Variants in KYNU observed in about 807,000 individuals in gnomAD.
KYNU encodes kynureninase.
KYNU carries 54 observed loss-of-function variants against 59.2 expected under a neutral mutation model. That is an observed-to-expected ratio of 0.91 (90% CI 0.73 to 1.14). The LOEUF (loss-of-function observed/expected upper bound fraction) is 1.14. KYNU is among the 50% of genes most tolerant of loss of function. The pLI is 0.00. For missense variants in KYNU, 567 were observed against 554.4 expected (o/e 1.02, Z -0.23); for synonymous variants, 177 against 192.0 (o/e 0.92, Z 0.65).
At chr2:142,929,023 AAAC>A (rs1221587007) in intron 4 of KYNU, among the ~76,000 whole-genome samples, 7 of 146,200 alleles carry the variant, frequency 4.8e-5, no homozygotes, top group African/African-American at 1.6e-4. Flanking sequence ...AAAAAAAAAA[AAAC>A]AAAAAACGAA....
chr2:142,906,519 G>T (rs1026979873), intron 2 of KYNU, among the ~76,000 whole-genome samples: 1 of 152,128 alleles, frequency 6.6e-6, no homozygotes, highest in Non-Finnish European at 1.5e-5. Flanking sequence ...GGGCACCAGG[G>T]ACAAGATTCC....
rs1023898739 is a variant in KYNU at position 143,022,256 on chromosome 2, C to T, written c.903-7371C>T. 2.6e-5 allele frequency among the ~76,000 whole-genome samples: 4 copies of T among 151,930 alleles called. No individual in the cohort carries two copies. In the South Asian group the frequency reaches 6.2e-4, roughly 24 times the overall value. ...TTTTAAAACTTAAGAATAAGAATGT[C>T]GTAAATGTCTTTACAGGGTTTAAGG... On this transcript the variant is annotated intron_variant, in intron 10 of 13. Transcript: ENST00000264170.
chr2:142,892,229 C>T (rs747441546), intron 2 of KYNU, among the ~76,000 whole-genome samples: 9 of 152,216 alleles, frequency 5.9e-5, no homozygotes, highest in Non-Finnish European at 1.3e-4. Flanking sequence ...GGGAGCCTTT[C>T]ATGTTACTTA....
intron 4 of KYNU, among the ~76,000 whole-genome samples, chr2:142,951,142 G>A (rs948901582): frequency 6.6e-6 from 1 of 152,200 alleles, no homozygotes; most frequent in Non-Finnish European, 1.5e-5. Flanking sequence ...AATATTGCAA[G>A]AATTATCAAA....
intron 4 of KYNU, among the ~76,000 whole-genome samples, chr2:142,950,798 C>T (rs1057310015): frequency 6.6e-6 from 1 of 152,204 alleles, no homozygotes; most frequent in Non-Finnish European, 1.5e-5. Context: ...AGCTTTCAGC[C>T]TACCTCAGCT....
intron 10 of KYNU, among the ~76,000 whole-genome samples, chr2:143,007,761 T>C (rs1685960877): frequency 8.1e-6 from 1 of 124,164 alleles, no homozygotes; most frequent in Non-Finnish European, 1.6e-5. Flanking sequence ...TTCAACATTC[T>C]TAAAGAAAAC....
At chr2:142,940,268 C>T (rs992573461) in intron 4 of KYNU, among the ~76,000 whole-genome samples, 4 of 151,996 alleles carry the variant, frequency 2.6e-5, no homozygotes, top group African/African-American at 9.7e-5. Flanking sequence ...TTTTTTTTCA[C>T]TTTATTCAGT....
intron 2 of KYNU, among the ~76,000 whole-genome samples, chr2:142,905,096 G>T (rs1309809342): frequency 6.6e-6 from 1 of 152,196 alleles, no homozygotes; most frequent in Non-Finnish European, 1.5e-5. Flanking sequence ...GTGAGATGGA[G>T]TTCTTTGCCC....
intron 10 of KYNU, among the ~76,000 whole-genome samples, chr2:143,016,997 C>T (rs1686267465): frequency 1.3e-5 from 2 of 152,068 alleles, no homozygotes; most frequent in Admixed American, 1.3e-4. Flanking sequence ...TGAGAACCTG[C>T]GATATTTGGT....
At chr2:143,011,474 A>G (rs1365344310) in intron 10 of KYNU, among the ~76,000 whole-genome samples, 14 of 129,774 alleles carry the variant, frequency 1.1e-4, no homozygotes, top group African/African-American at 4.4e-4. Flanking sequence ...GGGACTGTAA[A>G]CTAGTTCATC....
At chr2:142,912,380 T>C (rs1442561052) in intron 2 of KYNU, among the ~76,000 whole-genome samples, 2 of 129,372 alleles carry the variant, frequency 1.5e-5, no homozygotes, top group African/African-American at 6.3e-5. Flanking sequence ...TCTTTTTTTT[T>C]TTTTTTTTTT....
chr2:143,012,652 G>A (rs375704), intron 10 of KYNU, among the ~76,000 whole-genome samples: 18,767 of 152,134 alleles, frequency 0.12, 1,322 homozygotes, highest in East Asian at 0.25. Flanking sequence ...AAAGGTCGCT[G>A]TAGTGAAGCA....
chr2:142,908,978 G>A, intron 2 of KYNU, among the ~76,000 whole-genome samples: 1 of 152,062 alleles, frequency 6.6e-6, no homozygotes, highest in African/African-American at 2.4e-5. Context: ...AATTGTTTCA[G>A]GAATATTATT....
chr2:143,034,518 A>G (rs1448863036), intron 12 of KYNU, among the ~76,000 whole-genome samples: 2 of 152,100 alleles, frequency 1.3e-5, no homozygotes, highest in African/African-American at 4.8e-5. Context: ...AGTGATCATC[A>G]CCTCATTTCA....
intron 1 of KYNU, among the ~76,000 whole-genome samples, chr2:142,878,969 T>C (rs1015892220): frequency 6.6e-6 from 1 of 152,250 alleles, no homozygotes; most frequent in Non-Finnish European, 1.5e-5. Context: ...ATATGGTATG[T>C]ATGTCCCCCG....
At chr2:143,015,101 G>A (rs1686211317) in intron 10 of KYNU, among the ~76,000 whole-genome samples, 1 of 152,048 alleles carries the variant, frequency 6.6e-6, no homozygotes, top group African/African-American at 2.4e-5. Context: ...ATGTTGTGGA[G>A]GCCAGTCTCA....
At chr2:142,898,986 G>A (rs146649869) in intron 2 of KYNU, among the ~76,000 whole-genome samples, 50 of 152,320 alleles carry the variant, frequency 3.3e-4, no homozygotes, top group African/African-American at 1.2e-3. Flanking sequence ...CAGGAGCACA[G>A]CAGACACTCT....
intron 4 of KYNU, among the ~76,000 whole-genome samples, chr2:142,936,195 T>C: frequency 6.6e-6 from 1 of 152,110 alleles, no homozygotes; most frequent in Non-Finnish European, 1.5e-5. Flanking sequence ...CGGGCTGTGA[T>C]CTGAGTGCAA....
chr2:142,984,793 T>C (rs941333904), intron 8 of KYNU, among the ~76,000 whole-genome samples: 1 of 152,046 alleles, frequency 6.6e-6, no homozygotes, highest in East Asian at 1.9e-4. Flanking sequence ...CTGCCTTGGC[T>C]CCTGCTAAGG....
Sources: allele counts gnomAD v4.1 joint callset (sites outside exome capture counted in the v4.1 genomes callset), GRCh38; gene constraint gnomAD v4.1.1; transcripts MANE v1.5; gene names NCBI Gene and HGNC (gene_info 2026-07-23, HGNC 2026-07-21).